The following SLC75A1 variants were observed in gnomAD, a reference collection of about 807,000 sequenced individuals.
SLC75A1 encodes solute carrier family 75 member 1.
chr4:2,932,555 C>T, the SLC75A1 span: 1 of 1,612,602 alleles, frequency 6.2e-7, no homozygotes, highest in South Asian at 1.1e-5. Context: ...GACCCAGGCC[C>T]AGAAGTCACC....
chr4:2,930,709 T>G, the SLC75A1 span: 1 of 1,030,924 alleles, frequency 9.7e-7, no homozygotes, highest in Non-Finnish European at 1.4e-6. Context: ...CTGAGCTTCC[T>G]GCTTAGGGGC....
chr4:2,931,514 CAG>C, the SLC75A1 span: 796 of 1,596,892 alleles, frequency 5.0e-4, 3 homozygotes, highest in African/African-American at 4.6e-3. Context: ...CTGCAGGACT[CAG>C]GGGACTGCCT....
the SLC75A1 span, chr4:2,931,183 C>T: frequency 6.4e-7 from 1 of 1,556,718 alleles, no homozygotes; most frequent in Admixed American, 1.9e-5. Context: ...GCACCACTGC[C>T]CTTCTCCCGC....
chr4:2,931,076 GGGGCCCCGC>G, the SLC75A1 span: 2 of 1,600,810 alleles, frequency 1.2e-6, no homozygotes, highest in African/African-American at 1.3e-5. Flanking sequence ...GCGGCCACCA[GGGGCCCCGC>G]GGCCCTGGCC....
chr4:2,932,425 C>T, the SLC75A1 span: 2 of 1,613,714 alleles, frequency 1.2e-6, no homozygotes, highest in Non-Finnish European at 1.7e-6. Flanking sequence ...AAGAGCAGGG[C>T]AAACCAGGGT....
At chr4:2,934,700 C>T in the SLC75A1 span, 2 of 124,064 alleles carry the variant, frequency 1.6e-5, no homozygotes, top group African/African-American at 6.2e-5. Context: ...CCGCGCGTCC[C>T]CTGTCCCACC....
chr4:2,930,711 C>T, the SLC75A1 span: 5 of 1,059,558 alleles, frequency 4.7e-6, no homozygotes, highest in Admixed American at 8.4e-5. Context: ...GAGCTTCCTG[C>T]TTAGGGGCCG....
At chr4:2,931,816 G>A in the SLC75A1 span, 1 of 1,590,952 alleles carries the variant, frequency 6.3e-7, no homozygotes. Flanking sequence ...TCGCCAGATG[G>A]GGACCCACCT....
chr4:2,932,447 G>A, the SLC75A1 span: 2 of 1,613,764 alleles, frequency 1.2e-6, no homozygotes, highest in Non-Finnish European at 1.7e-6. Context: ...CCATTTCCAG[G>A]GGCAGGGAGG....
chr4:2,931,732 G>T, the SLC75A1 span: 2 of 1,543,960 alleles, frequency 1.3e-6, no homozygotes, highest in South Asian at 1.2e-5. Context: ...GGGCGAGAGT[G>T]GCTGCCAAGG....
At chr4:2,932,119 GCCGCATCACGGAAC>G in the SLC75A1 span, 1 of 1,609,952 alleles carries the variant, frequency 6.2e-7, no homozygotes, top group South Asian at 1.1e-5. Flanking sequence ...GAGCAGATCA[GCCGCATCACGGAAC>G]CCCAGGGCGA....
At chr4:2,932,578 A>G in the SLC75A1 span, 5 of 1,612,566 alleles carry the variant, frequency 3.1e-6, no homozygotes, top group Admixed American at 1.7e-5. Context: ...CAGGACCCCA[A>G]AGGCCCAGCC....
the SLC75A1 span, chr4:2,932,796 C>T: frequency 7.2e-6 from 11 of 1,531,002 alleles, no homozygotes; most frequent in Non-Finnish European, 9.6e-6. Flanking sequence ...GGGGCGGTCG[C>T]TTAAGGCCAG....
At chr4:2,931,722 G>T in the SLC75A1 span, 1 of 1,560,950 alleles carries the variant, frequency 6.4e-7, no homozygotes, top group East Asian at 2.3e-5. Flanking sequence ...GGCAGGGCCA[G>T]GGCGAGAGTG....
chr4:2,930,643 C>A, the SLC75A1 span: 1 of 616,900 alleles, frequency 1.6e-6, no homozygotes, highest in Non-Finnish European at 2.9e-6. Flanking sequence ...CCCTGACAGC[C>A]TTGGAGTGCT....
At chr4:2,932,679 C>T in the SLC75A1 span, 2 of 1,610,312 alleles carry the variant, frequency 1.2e-6, no homozygotes, top group South Asian at 1.1e-5. Context: ...TTTGCTGATG[C>T]CCCCAATCAG....
the SLC75A1 span, chr4:2,931,903 T>TA: frequency 6.2e-7 from 1 of 1,610,682 alleles, no homozygotes; most frequent in East Asian, 2.2e-5. Flanking sequence ...GTAGAGGAAG[T>TA]AGACTAGGCC....
At chr4:2,930,749 T>C in the SLC75A1 span, 5 of 1,433,750 alleles carry the variant, frequency 3.5e-6, no homozygotes, top group Non-Finnish European at 4.7e-6. Context: ...CTCCCTGGAC[T>C]GGCGGGGGGT....
At chr4:2,931,231 G>A in the SLC75A1 span, 5 of 1,564,398 alleles carry the variant, frequency 3.2e-6, no homozygotes, top group Non-Finnish European at 1.7e-6. Context: ...GCTCACCATA[G>A]CCAGCGACCA....
Sources: allele counts gnomAD v4.1 joint callset, GRCh38; gene constraint gnomAD v4.1.1; transcripts MANE v1.5; gene names NCBI Gene and HGNC (gene_info 2026-07-23, HGNC 2026-07-21).